RBFOX1: variants seen among roughly 807,000 people sequenced by gnomAD.
RBFOX1 encodes the protein RNA binding protein fox-1 homolog 1.
Under a neutral mutation model 57.7 loss-of-function variants are expected in RBFOX1, and 8 were observed. That is an observed-to-expected ratio of 0.14 (90% CI 0.08 to 0.25). The LOEUF is 0.25. RBFOX1 is among the 10% of genes least tolerant of loss of function. The pLI, the probability that RBFOX1 is intolerant of heterozygous loss-of-function variation, is 1.00. For synonymous variants in RBFOX1, 326 were observed against 222.4 expected (o/e 1.47, Z -4.15); for missense variants, 611 against 548.5 (o/e 1.11, Z -1.14).
chr16:5,811,143 A>ATTT (rs374827330), intron 3 of RBFOX1, among the ~76,000 whole-genome samples: 8,698 of 104,472 alleles, frequency 0.083, 978 homozygotes, highest in African/African-American at 0.21. Flanking sequence ...TATGGAACAA[A>ATTT]TTTTTTTTTT....
intron 1 of RBFOX1, among the ~76,000 whole-genome samples, chr16:6,039,216 G>C (rs1425459910): frequency 6.6e-6 from 1 of 151,764 alleles, no homozygotes; most frequent in African/African-American, 2.4e-5. Context: ...GCAAGTCCTG[G>C]AGGTCTGAGC....
chr16:5,366,819 G>T, intron 1 of RBFOX1: 1 of 241,506 alleles, frequency 4.1e-6, no homozygotes, highest in Non-Finnish European at 8.1e-6. Context: ...ATGTTGTCCA[G>T]GTTTCATTGC....
chr16:5,419,966 T>A (rs1418635719), intron 1 of RBFOX1, among the ~76,000 whole-genome samples: 1 of 152,068 alleles, frequency 6.6e-6, no homozygotes, highest in East Asian at 1.9e-4. Flanking sequence ...TTTGCTGGTG[T>A]CTGCAGATAC....
At chr16:7,696,069 T>G (rs958280630) in intron 14 of RBFOX1, among the ~76,000 whole-genome samples, 1 of 152,212 alleles carries the variant, frequency 6.6e-6, no homozygotes, top group Non-Finnish European at 1.5e-5. Flanking sequence ...GTGGGTCTTG[T>G]GTCGAGAGTG....
intron 3 of RBFOX1, among the ~76,000 whole-genome samples, chr16:5,667,135 C>A (rs1197380120): frequency 2.0e-5 from 3 of 151,374 alleles, no homozygotes; most frequent in African/African-American, 7.3e-5. Flanking sequence ...TATGGGTATA[C>A]CCCAGTGTTT....
At chr16:6,359,616 G>C (rs1267633718) in intron 2 of RBFOX1, among the ~76,000 whole-genome samples, 4 of 152,162 alleles carry the variant, frequency 2.6e-5, no homozygotes, top group South Asian at 2.1e-4. Flanking sequence ...ACTTGAACCA[G>C]AAAACATCAG....
intron 1 of RBFOX1, among the ~76,000 whole-genome samples, chr16:6,276,098 ATT>A (rs1394124290): frequency 6.6e-6 from 1 of 152,222 alleles, no homozygotes; most frequent in African/African-American, 2.4e-5. Context: ...TTTTTTTAAA[ATT>A]TAAAACATCA....
chr16:7,607,129 G>C (rs1288082483), intron 9 of RBFOX1, among the ~76,000 whole-genome samples, 156 bp from the exon 10 acceptor site: 1 of 152,022 alleles, frequency 6.6e-6, no homozygotes, highest in South Asian at 2.1e-4. Flanking sequence ...CTTATGTGTG[G>C]TTTTTAAGTA....
chr16:7,361,215 C>T (rs568948795), intron 4 of RBFOX1, among the ~76,000 whole-genome samples: 3 of 152,250 alleles, frequency 2.0e-5, no homozygotes, highest in African/African-American at 7.2e-5. Flanking sequence ...TCGTTTTATG[C>T]AGGTTCTGGG....
At chr16:7,558,484 T>C (rs2089414673) in intron 5 of RBFOX1, among the ~76,000 whole-genome samples, 1 of 152,098 alleles carries the variant, frequency 6.6e-6, no homozygotes, top group African/African-American at 2.4e-5. Context: ...TAAATACATG[T>C]GTACACATAT....
At chr16:6,895,448 G>GTATATATATATA (rs71147622) in intron 3 of RBFOX1, among the ~76,000 whole-genome samples, 4 of 54,602 alleles carry the variant, frequency 7.3e-5, no homozygotes, top group East Asian at 5.2e-4. Flanking sequence ...GTGTGTGTGT[G>GTATATATATATA]TATATATATA....
At chr16:6,082,782 T>C (rs905036448) in intron 1 of RBFOX1, among the ~76,000 whole-genome samples, 1 of 152,134 alleles carries the variant, frequency 6.6e-6, no homozygotes, top group African/African-American at 2.4e-5. Flanking sequence ...ACCCTGAGGA[T>C]ATCAGTTTGG....
chr16:5,881,740 A>G (rs535557524), intron 4 of RBFOX1, among the ~76,000 whole-genome samples: 11 of 152,270 alleles, frequency 7.2e-5, no homozygotes, highest in Non-Finnish European at 1.3e-4. Flanking sequence ...TTTCCCCCCA[A>G]TGCTAGGTGG....
At chr16:7,680,119 G>A (rs2074359306) in intron 14 of RBFOX1, among the ~76,000 whole-genome samples, 1 of 152,126 alleles carries the variant, frequency 6.6e-6, no homozygotes. Flanking sequence ...ATGTGTCTGT[G>A]ATACGTTCTG....
At chr16:5,929,971 A>G (rs1322407619) in intron 4 of RBFOX1, among the ~76,000 whole-genome samples, 1 of 151,928 alleles carries the variant, frequency 6.6e-6, no homozygotes, top group East Asian at 2.0e-4. Context: ...TGGTCAGGAA[A>G]GGAGAAAGAC....
chr16:6,233,665 G>T (rs920065077), intron 1 of RBFOX1, among the ~76,000 whole-genome samples: 2 of 152,078 alleles, frequency 1.3e-5, no homozygotes, highest in African/African-American at 4.8e-5. Context: ...CTGGAGCACA[G>T]TAGAGCAATC....
At chr16:6,252,218 C>T (rs923911132) in intron 1 of RBFOX1, among the ~76,000 whole-genome samples, 1 of 152,048 alleles carries the variant, frequency 6.6e-6, no homozygotes, top group East Asian at 1.9e-4. Context: ...GCAGAGAGCC[C>T]TTCTGCCATT....
At chr16:6,763,602 C>G (rs570525437) in intron 3 of RBFOX1, among the ~76,000 whole-genome samples, 44 of 152,254 alleles carry the variant, frequency 2.9e-4, no homozygotes, top group African/African-American at 1.1e-3. Flanking sequence ...CATCAACAAC[C>G]ACTTGCCTTT....
At chr16:7,261,805 T>A (rs150600543) in intron 4 of RBFOX1, among the ~76,000 whole-genome samples, 3 of 152,288 alleles carry the variant, frequency 2.0e-5, no homozygotes, top group Non-Finnish European at 4.4e-5. Context: ...CCTGGAGAGC[T>A]TTGAAAGCAT....
Sources: allele counts gnomAD v4.1 joint callset (sites outside exome capture counted in the v4.1 genomes callset), GRCh38; gene constraint gnomAD v4.1.1; transcripts MANE v1.5; gene names NCBI Gene and HGNC (gene_info 2026-07-23, HGNC 2026-07-21).